The following MUC4 variants were observed in gnomAD, a reference collection of about 807,000 sequenced individuals.
MUC4 encodes the protein mucin 4, cell surface associated.
Under a neutral mutation model 257.9 loss-of-function variants are expected in MUC4, and 202 were observed. That is an observed-to-expected ratio of 0.78 (90% CI 0.70 to 0.88). The LOEUF (loss-of-function observed/expected upper bound fraction) is 0.88, where lower values mean the gene tolerates loss of function less well. Among genes scored for constraint, MUC4 ranks in the 40% least tolerant of loss-of-function variants. The pLI is 0.00. For missense variants in MUC4, 5,976 were observed against 6,513.7 expected (o/e 0.92, Z 2.84); for synonymous variants, 2,351 against 2,757.1 (o/e 0.85, Z 4.62).
chr3:195,782,769 T>C lies in MUC4; in HGVS notation c.8811A>G (p.Val2937=), dbSNP rs755714842. 993 of 1,510,346 alleles carry C rather than the reference T, an allele frequency of 6.6e-4. No individual in the cohort carries two copies. Among genetic ancestry groups the C allele is most frequent in the Non-Finnish European group, 8.1e-4 (908 of 1,125,878 alleles). The allele number at this position is 1,510,346 out of a possible 1,614,324, so 93.6% of individuals were successfully genotyped here. The change falls in exon 2 of 25, where the codon GTA becomes GTG. Residue 2937 remains valine, a synonymous_variant. Coordinates refer to ENST00000463781, the MANE Select transcript of MUC4 (RefSeq NM_018406.7). ...TPLPVTSLSS[V]STGDTTPLPV... ...GAAGAGGGGTGGTGTCACCTGTGGA[T>C]ACTGAGGAAAGGCTGGTGACAGGAA...
intron 7 of MUC4, among the ~76,000 whole-genome samples, chr3:195,767,751 C>CCACCAT (rs1560264559): frequency 2.3e-5 from 2 of 88,250 alleles, no homozygotes; most frequent in African/African-American, 5.2e-5. Flanking sequence ...ACCATCGCCA[C>CCACCAT]CACCACCATC....
intron 1 of MUC4, among the ~76,000 whole-genome samples, chr3:195,797,962 A>G (rs1734765164): frequency 6.6e-6 from 1 of 152,110 alleles, no homozygotes; most frequent in Non-Finnish European, 1.5e-5. Context: ...AAATAAAAAA[A>G]TAAAAAATTA....
chr3:195,759,992 G>A (rs879926449), intron 16 of MUC4, among the ~76,000 whole-genome samples: 2 of 146,564 alleles, frequency 1.4e-5, no homozygotes, highest in Non-Finnish European at 3.0e-5. Flanking sequence ...GAAATAGAGA[G>A]GGAGTGAAAC....
In MUC4 at chr3:195,753,006, C is replaced by T. The variant is rs375891171; in HGVS notation, c.15508+45G>A. The T allele has an allele frequency of 1.6e-4, 249 of 1,538,784 alleles. 1 individual carries two copies. The highest frequency in any genetic ancestry group is 2.2e-4 in the Non-Finnish European group (244 of 1,132,448). ...GGAGTGCGGGGGTGAGAGGGTGGGG[C>T]CCAGGAAGAGTGCGGGGGTGAGAGG... On this transcript the variant is annotated intron_variant, in intron 20 of 24. Coordinates refer to ENST00000463781, the MANE Select transcript of MUC4 (RefSeq NM_018406.7).
At chr3:195,763,379 G>C in intron 12 of MUC4, 54 bp downstream of exon 12, 2 of 1,387,626 alleles carry the variant, frequency 1.4e-6, no homozygotes, top group Non-Finnish European at 1.9e-6. Context: ...TCAGTATGTG[G>C]CTGAAGGTCC....
rs1553871587 is a variant in MUC4 at position 195,780,912 on chromosome 3, G to C, written c.10668C>G (p.Thr3556=). 4 of 1,509,742 alleles carry C rather than the reference G, an allele frequency of 2.6e-6. 1 individual carries two copies. The highest frequency in any genetic ancestry group is 2.4e-5 in the South Asian group (2 of 83,354). 93.5% of individuals were successfully genotyped at this position (1,509,742 alleles called of 1,614,324 possible). The change falls in exon 2 of 25, where the codon ACC becomes ACG. Residue 3556 remains threonine, a synonymous_variant. Transcript: ENST00000463781. The part of the protein sequence containing the change: ...STGDTTPLPV[T]DASSASTGQA... ...GACCTGTGGATGCCGAGGAAGCGTC[G>C]GTGACAGGAAGAGGGGTGGTGTCAC... is the stretch of plus-strand genomic sequence containing the variant.
intron 1 of MUC4, among the ~76,000 whole-genome samples, chr3:195,797,098 G>A (rs1734669657): frequency 6.6e-6 from 1 of 151,818 alleles, no homozygotes; most frequent in African/African-American, 2.4e-5. Flanking sequence ...CAAAAAATTT[G>A]TATTTTTTTG....
chr3:195,787,989 G>C lies in MUC4; in HGVS notation c.3591C>G (p.His1197Gln), dbSNP rs771241248. ...TGTCGGTGACAAGAAGAGGGGTGGC[G>C]TGACCTGTGGATGCTGAGGAAGGGC... ...VTSPSSASTG[H>Q]ATPLLVTDTS... The change falls in exon 2 of 25, where the codon CAC (histidine) becomes CAG (glutamine). Residue 1197 changes from histidine (H) to glutamine (Q), a missense_variant. This residue lies in a region of MUC4 where 90 missense variants were observed against 106.2 expected (regional missense o/e 0.85). Coordinates refer to ENST00000463781, the MANE Select transcript of MUC4 (RefSeq NM_018406.7). The C allele has an allele frequency of 3.7e-6, 5 of 1,334,312 alleles. No individual in the cohort carries two copies. The highest frequency in any genetic ancestry group is 1.3e-5 in the South Asian group (1 of 77,010). The allele number at this position is 1,334,312 out of a possible 1,614,324, so 82.7% of individuals were successfully genotyped here. A position where few individuals can be genotyped will look rare whatever the true frequency, so the allele number is the denominator to read the frequency against.
chr3:195,804,885 A>T (rs1735781526), intron 1 of MUC4, among the ~76,000 whole-genome samples: 1 of 152,232 alleles, frequency 6.6e-6, no homozygotes, highest in African/African-American at 2.4e-5. Flanking sequence ...ATGAGGAAAG[A>T]CACTAACTCA....
At position 195,761,405 on chromosome 3, in the gene MUC4, T is replaced by G. The variant is rs369497229; in HGVS notation, c.14614+79A>C. The G allele has an allele frequency of 7.6e-4, 972 of 1,274,580 alleles. 3 individuals carry two copies. Among genetic ancestry groups the G allele is most frequent in the African/African-American group, 5.7e-3 (391 of 68,190 alleles). The allele number at this position is 1,274,580 out of a possible 1,614,324, so 79.0% of individuals were successfully genotyped here. ...TTAGGGAGGATGGAGGTCTGCTTCC[T>G]ACAGGGCCGAGGGGGACGACATAAA... On this transcript the variant is annotated intron_variant, in intron 15 of 24. Coordinates refer to ENST00000463781, the MANE Select transcript of MUC4 (RefSeq NM_018406.7).
intron 4 of MUC4, among the ~76,000 whole-genome samples, chr3:195,773,481 C>T (rs1723608826): frequency 6.8e-6 from 1 of 146,406 alleles, no homozygotes; most frequent in Non-Finnish European, 1.5e-5. Flanking sequence ...CAGGTGTGGA[C>T]ACCCTCTCTC....
chr3:195,754,177 C>G, intron 19 of MUC4, 36 bp downstream of exon 19: 1 of 1,586,396 alleles, frequency 6.3e-7, no homozygotes, highest in Non-Finnish European at 8.6e-7. Context: ...CAGCTGCTCC[C>G]AGAAGCGCCT....
intron 6 of MUC4, chr3:195,769,361 G>A: frequency 1.7e-6 from 1 of 605,498 alleles, no homozygotes; most frequent in Non-Finnish European, 2.8e-6. Context: ...ACTTACCACG[G>A]TGGATTTGCC....
chr3:195,772,899 T>C (rs1358667317), intron 4 of MUC4, among the ~76,000 whole-genome samples: 41 of 95,162 alleles, frequency 4.3e-4, no homozygotes, highest in African/African-American at 6.6e-4. Context: ...CACCCTCCCT[T>C]CATCGCTCAG....
chr3:195,807,965 C>G (rs1403615807), intron 1 of MUC4, among the ~76,000 whole-genome samples: 2 of 152,326 alleles, frequency 1.3e-5, no homozygotes, highest in East Asian at 3.9e-4. Flanking sequence ...AGGCAGGGAG[C>G]GGTGAGGCAG....
intron 21 of MUC4, chr3:195,752,114 G>C (rs1433387624): frequency 3.9e-6 from 2 of 509,086 alleles, no homozygotes; most frequent in Non-Finnish European, 7.0e-6. Flanking sequence ...GTTTCTTTCA[G>C]ATCATAACCA....
Position 195,786,445 on chromosome 3 carries a change from G to T in MUC4, c.5135C>A (p.Pro1712His), listed in dbSNP as rs760848125. 7 of 1,531,124 alleles carry T rather than the reference G, an allele frequency of 4.6e-6. No individual in the cohort carries two copies. The East Asian group carries it at 1.2e-4, about 27-fold the overall frequency. 94.8% of individuals were successfully genotyped at this position (1,531,124 alleles called of 1,614,324 possible). ...TGAGGAAAGGCTGGTGACAGGAAGAGGGGTGGCCTGACCTGTGGATGCCGA... is the reference window on the plus strand; with the variant it reads ...TGAGGAAAGGCTGGTGACAGGAAGATGGGTGGCCTGACCTGTGGATGCCGA... ...VSSASTGQAT[P>H]LPVTSLSSVS... The change falls in exon 2 of 25, where the codon CCT (proline) becomes CAT (histidine). Residue 1712 changes from proline (P) to histidine (H), a missense_variant. Pro to His is a moderately conservative substitution (Grantham distance 77). Around this residue, in one of 44 missense-constraint regions of MUC4, gnomAD observed 138 missense variants for 107.8 expected, o/e 1.28. Coordinates refer to ENST00000463781, the MANE Select transcript of MUC4 (RefSeq NM_018406.7).
intron 12 of MUC4, 97 bp from the exon 13 acceptor site, chr3:195,763,042 C>T: frequency 9.3e-7 from 1 of 1,076,768 alleles, no homozygotes; most frequent in South Asian, 1.4e-5. Context: ...AAGCTGCGCC[C>T]TGGGCCGGGA....
chr3:195,778,233 A>G lies in MUC4; in HGVS notation c.12943+70T>C. ...ACCCGAGAGAGCGGAGACTGTGGGA[A>G]GTAGGCTGAGAGGGAGCCTTCAGTT... On this transcript the variant is annotated intron_variant, in intron 3 of 24. Transcript: ENST00000463781. The G allele has an allele frequency of 2.0e-6, 3 of 1,495,134 alleles. No homozygotes were observed. In the South Asian group the frequency reaches 4.0e-5, roughly 20 times the overall value. 92.6% of individuals were successfully genotyped at this position (1,495,134 alleles called of 1,614,324 possible). A position where few individuals can be genotyped will look rare whatever the true frequency, so the allele number is the denominator to read the frequency against.
Sources: allele counts gnomAD v4.1 joint callset (sites outside exome capture counted in the v4.1 genomes callset), GRCh38; gene constraint gnomAD v4.1.1; regional missense constraint gnomAD v4.1.1; transcripts MANE v1.5; gene names NCBI Gene and HGNC (gene_info 2026-07-23, HGNC 2026-07-21).